Variants in RABGEF1 observed in about 807,000 individuals in gnomAD.
RABGEF1 encodes the protein RAB guanine nucleotide exchange factor 1, also known as rab5 GDP/GTP exchange factor.
Under a neutral mutation model 57.3 loss-of-function variants are expected in RABGEF1, and 26 were observed. The observed-to-expected ratio is 0.45, with a 90% CI of 0.33 to 0.63. The LOEUF is 0.63. Ranked by LOEUF, RABGEF1 falls within the 20% of genes least tolerant of loss-of-function variation. The pLI is 0.02. For missense variants in RABGEF1, 464 were observed against 607.6 expected (o/e 0.76, Z 2.48); for synonymous variants, 185 against 210.7 (o/e 0.88, Z 1.06).
chr7:66,720,488 G>A, intron 2 of RABGEF1, among the ~76,000 whole-genome samples: 1 of 149,026 alleles, frequency 6.7e-6, no homozygotes, highest in East Asian at 2.0e-4. Flanking sequence ...ACGAGCTACT[G>A]TGCCCACCCC....
chr7:66,658,027 A>T, the RABGEF1 span, among the ~76,000 whole-genome samples: 2 of 152,180 alleles, frequency 1.3e-5, no homozygotes, highest in East Asian at 3.8e-4. Context: ...AAATTGACAA[A>T]TTTTTAGCTA....
In RABGEF1 at chr7:66,691,103, A is replaced by G. The variant is rs552389920; in HGVS notation, c.-873+8845A>G. 9.1e-4 allele frequency among the ~76,000 whole-genome samples: 138 copies of G among 152,312 alleles called. 1 individual carries two copies. Among genetic ancestry groups the G allele is most frequent in the Non-Finnish European group, 1.7e-3 (116 of 68,024 alleles). ...GAGCCTCCATCTCAAAAAAACAAAA[A>G]GAAAATGACAACACCAAATGTTGCA... is the stretch of plus-strand genomic sequence containing the variant. On this transcript the variant is annotated intron_variant and NMD_transcript_variant, in intron 1 of 9. Coordinates refer to the RABGEF1 transcript ENST00000607882.
At chr7:66,754,423 G>C (rs976471584) in intron 1 of RABGEF1, among the ~76,000 whole-genome samples, 6 of 151,386 alleles carry the variant, frequency 4.0e-5, no homozygotes, top group African/African-American at 1.5e-4. Context: ...AGCACTGTCA[G>C]GTTATCTTCT....
intron 4 of RABGEF1, 93 bp from the exon 5 acceptor site, chr7:66,795,418 A>AC: frequency 9.6e-7 from 1 of 1,045,888 alleles, no homozygotes; most frequent in Non-Finnish European, 1.5e-6. Flanking sequence ...TACTACCAGT[A>AC]CAAGGAATGG....
chr7:66,745,590 A>G lies in RABGEF1; in HGVS notation c.-18+4798A>G, dbSNP rs186330767. ...GAGACCAGCCTGGATCAAGATGGCA[A>G]AACTCCGTCTCTACTAAAATGCAAA... On this transcript the variant is annotated intron_variant, in intron 1 of 8. Transcript: ENST00000284957. 6.4e-3 allele frequency among the ~76,000 whole-genome samples: 981 copies of G among 152,164 alleles called. 3 individuals carry two copies. The highest frequency in any genetic ancestry group is 1.0e-2 in the Non-Finnish European group (679 of 67,992).
chr7:66,684,241 C>G (rs1196918868), intron 1 of RABGEF1, among the ~76,000 whole-genome samples: 4 of 152,090 alleles, frequency 2.6e-5, no homozygotes, highest in Admixed American at 2.0e-4. Context: ...GTCAGGAGTT[C>G]AAGACCAGCC....
chr7:66,719,448 G>A (rs1227873682), intron 2 of RABGEF1, among the ~76,000 whole-genome samples: 2 of 152,162 alleles, frequency 1.3e-5, no homozygotes, highest in East Asian at 1.9e-4. Context: ...CAAGCACCTC[G>A]GCCCCCCGCA....
At chr7:66,725,561 A>T (rs1277553809) in intron 2 of RABGEF1, among the ~76,000 whole-genome samples, 1 of 152,172 alleles carries the variant, frequency 6.6e-6, no homozygotes, top group Non-Finnish European at 1.5e-5. Flanking sequence ...GTATGGCTAT[A>T]GTGAGTTTTG....
At position 66,696,689 on chromosome 7, in the gene RABGEF1, CAAAAAAA is replaced by C. The variant is rs71049476; in HGVS notation, c.-873+14448_-873+14454del. ...TGGGTGACAGGGCGAGACTCCGTCT[CAAAAAAA>C]AAAAAAAAAAAAAAAAGAAAAATGG... On this transcript the variant is annotated intron_variant and NMD_transcript_variant, in intron 1 of 9. Coordinates refer to the RABGEF1 transcript ENST00000607882. 3.1e-3 allele frequency among the ~76,000 whole-genome samples: 203 copies of C among 66,328 alleles called. 2 individuals are homozygous for C. The highest frequency in any genetic ancestry group is 9.9e-3 in the African/African-American group (149 of 15,080). 43.5% of individuals were successfully genotyped at this position (66,328 alleles called of 152,430 possible). A position where few individuals can be genotyped will look rare whatever the true frequency, so the allele number is the denominator to read the frequency against.
At chr7:66,701,683 A>G (rs1261017071) in intron 1 of RABGEF1, among the ~76,000 whole-genome samples, 1 of 151,732 alleles carries the variant, frequency 6.6e-6, no homozygotes, top group Non-Finnish European at 1.5e-5. Context: ...TAATTTTTGT[A>G]TTTTTAGTAA....
Position 66,760,922 on chromosome 7 carries a change from C to T in RABGEF1, c.-17-10961C>T, listed in dbSNP as rs150486701. Reference sequence around the variant, plus strand: ...GGGATTGTAGGCGTGAACCATTGCACCTGGCCCTGGGGAAGGGATTTTTGT... The same window carrying T: ...GGGATTGTAGGCGTGAACCATTGCATCTGGCCCTGGGGAAGGGATTTTTGT... On this transcript the variant is annotated intron_variant, in intron 1 of 8. Transcript: ENST00000284957. Among the ~76,000 whole-genome samples the T allele has an allele frequency of 6.2e-3, 947 of 152,306 alleles. 6 individuals are homozygous for T. The highest frequency in any genetic ancestry group is 9.3e-3 in the Non-Finnish European group (635 of 68,016).
chr7:66,741,606 T>G (rs1230271833), intron 1 of RABGEF1, among the ~76,000 whole-genome samples: 1 of 152,088 alleles, frequency 6.6e-6, no homozygotes, highest in Non-Finnish European at 1.5e-5. Context: ...GGTAGGAAAT[T>G]TTCCCAGGAC....
intron 1 of RABGEF1, among the ~76,000 whole-genome samples, chr7:66,766,297 T>C (rs1290171847): frequency 2.0e-5 from 3 of 149,040 alleles, no homozygotes; most frequent in Non-Finnish European, 4.5e-5. Flanking sequence ...TGACAGACCC[T>C]GTCTTCCAAA....
At chr7:66,806,235 G>A (rs967084020) in intron 8 of RABGEF1, among the ~76,000 whole-genome samples, 1 of 152,094 alleles carries the variant, frequency 6.6e-6, no homozygotes, top group African/African-American at 2.4e-5. Context: ...TGCCAAAAAA[G>A]TCTCACAGGT....
chr7:66,686,891 G>T (rs1000548485), intron 1 of RABGEF1, among the ~76,000 whole-genome samples: 1 of 150,878 alleles, frequency 6.6e-6, no homozygotes. Context: ...GCGCGATCTC[G>T]GCTCACTGCA....
chr7:66,702,533 A>T (rs1049359283), intron 1 of RABGEF1, among the ~76,000 whole-genome samples: 1 of 152,076 alleles, frequency 6.6e-6, no homozygotes, highest in South Asian at 2.1e-4. Flanking sequence ...GGGCAATTCT[A>T]TGCTTTTTGA....
the RABGEF1 span, chr7:66,668,675 A>T: frequency 1.3e-5 from 2 of 152,262 alleles, no homozygotes; most frequent in African/African-American, 4.8e-5. Flanking sequence ...AGGCCTTGTC[A>T]CTGCAGAGCC....
intron 1 of RABGEF1, among the ~76,000 whole-genome samples, chr7:66,762,728 C>T (rs950356476): frequency 6.6e-5 from 10 of 152,034 alleles, no homozygotes; most frequent in African/African-American, 2.2e-4. Flanking sequence ...ACCCCCGTCC[C>T]CCAAAAGAAT....
chr7:66,756,426 T>C (rs1373250474), intron 1 of RABGEF1, among the ~76,000 whole-genome samples: 7 of 152,246 alleles, frequency 4.6e-5, no homozygotes, highest in Non-Finnish European at 1.0e-4. Context: ...TTTCTGTTTC[T>C]AGCAAACTGC....
Sources: gnomAD v4.1 joint callset for allele counts (sites outside exome capture counted in the v4.1 genomes callset) on GRCh38, gnomAD v4.1.1 for gene constraint, MANE v1.5 for transcripts, NCBI Gene and HGNC (gene_info 2026-07-23, HGNC 2026-07-21) for gene names.